The following FRMPD3 variants were observed in gnomAD, a reference collection of about 807,000 sequenced individuals.
FRMPD3 encodes FERM and PDZ domain containing 3, also known as FERM and PDZ domain-containing protein 3.
In FRMPD3, 42 loss-of-function variants were observed where a neutral mutation model predicts 97.9. The ratio of observed to expected loss-of-function variants is 0.43; its 90% confidence interval spans 0.34 to 0.55. FRMPD3 has a LOEUF of 0.55. Ranked by LOEUF, FRMPD3 falls within the 20% of genes least tolerant of loss-of-function variation. The probability of loss-of-function intolerance (pLI) is 0.03; values close to 1 mark genes in which losing one functional copy is unlikely to be tolerated. For missense variants in FRMPD3, 1,303 were observed against 1,457.7 expected (o/e 0.89, Z 1.73); for synonymous variants, 577 against 581.1 (o/e 0.99, Z 0.10).
rs143933550 is a variant in FRMPD3 at position 107,551,900 on chromosome X, G to C, written c.511-895G>C. Among the ~76,000 whole-genome samples, 679 of 112,376 alleles carry C rather than the reference G, an allele frequency of 6.0e-3. 2 individuals carry two copies. Among genetic ancestry groups the C allele is most frequent in the African/African-American group, 0.02 (629 of 30,976 alleles). ...CAGCTTAACATTTGAATAACTGAAC[G>C]TCTTTCAGTGTTCATTGAGGGGCTT... On this transcript the variant is annotated intron_variant, in intron 6 of 14. Transcript: ENST00000683843.
intron 1 of FRMPD3, among the ~76,000 whole-genome samples, chrX:107,489,861 T>G (rs1921609689): frequency 8.9e-6 from 1 of 111,942 alleles, no homozygotes; most frequent in Admixed American, 9.5e-5. Context: ...ATTTGTCAAT[T>G]TTGGCTTTTG....
chrX:107,599,578 G>C (rs936074316), intron 14 of FRMPD3, among the ~76,000 whole-genome samples: 2 of 112,202 alleles, frequency 1.8e-5, no homozygotes, highest in Non-Finnish European at 3.8e-5. Flanking sequence ...CAGATGAGGA[G>C]GGATAGAGAG....
At chrX:107,454,542 C>T (rs1278320325) in intron 1 of FRMPD3, among the ~76,000 whole-genome samples, 1 of 111,583 alleles carries the variant, frequency 9.0e-6, no homozygotes, top group Non-Finnish European at 1.9e-5. Context: ...TGACTCATCC[C>T]CTATGCCCCA....
At chrX:107,573,092 A>G (rs918078860) in intron 12 of FRMPD3, among the ~76,000 whole-genome samples, 1 of 111,153 alleles carries the variant, frequency 9.0e-6, no homozygotes, top group South Asian at 3.8e-4. Context: ...ATAACAAAAC[A>G]TACAAACAAA....
chrX:107,466,047 A>G (rs1931556981), intron 1 of FRMPD3, among the ~76,000 whole-genome samples: 1 of 112,355 alleles, frequency 8.9e-6, no homozygotes, highest in Non-Finnish European at 1.9e-5. Context: ...TTATTTGACT[A>G]TAGGTCGCCA....
In FRMPD3 at chrX:107,565,030, C is replaced by T. The variant is rs1207294499; in HGVS notation, c.1260C>T (p.Gly420=). Residue 420 remains glycine, a synonymous_variant, in exon 12 of 15, where the codon GGC becomes GGT. Coordinates refer to ENST00000683843, the MANE Select transcript of FRMPD3 (RefSeq NM_001388459.1). The part of the protein sequence containing the change: ...SKIQLFRENQ[G]VARVETSIMD... ...TCCAGCTGTTCCGGGAGAACCAGGG[C>T]GTGGCCCGGGTGGAGACCAGCATCA... The T allele has an allele frequency of 1.8e-5, 21 of 1,197,907 alleles. No individual in the cohort carries two copies. Among genetic ancestry groups the T allele is most frequent in the East Asian group, 1.2e-4 (4 of 33,385 alleles).
chrX:107,549,968 T>C lies in FRMPD3; in HGVS notation c.403-81T>C, dbSNP rs1295811116. 6 of 616,780 alleles carry C rather than the reference T, an allele frequency of 9.7e-6. No individual in the cohort carries two copies. The Admixed American group carries it at 1.6e-4, about 17-fold the overall frequency. The allele number at this position is 616,780 out of a possible 1,213,427, so 50.8% of individuals were successfully genotyped here. ...CTCTGTCTCCATCACCTTTTCTCTCTCCTTTTTCACACCCTTCCTCTGGCT... is the reference window on the plus strand; with the variant it reads ...CTCTGTCTCCATCACCTTTTCTCTCCCCTTTTTCACACCCTTCCTCTGGCT... On this transcript the variant is annotated intron_variant, in intron 5 of 14. Coordinates refer to ENST00000683843, the MANE Select transcript of FRMPD3 (RefSeq NM_001388459.1).
In FRMPD3 at chrX:107,602,827, G is replaced by A; in HGVS notation, c.4788G>A (p.Leu1596=). Residue 1596 remains leucine (L), a synonymous_variant, in exon 15 of 15, where the codon CTG becomes CTA. Coordinates refer to ENST00000683843, the MANE Select transcript of FRMPD3 (RefSeq NM_001388459.1). ...CTGATGGCTTCCTGGCTGCCCGGCT[G>A]GACACCAACGAGCTGCTGACAGTCC... ...GLPDGFLAAR[L]DTNELLTVLR... is the part of the protein sequence containing the mutation. 2.5e-6 allele frequency: 3 copies of A among 1,209,561 alleles called. No individual in the cohort carries two copies. Among genetic ancestry groups the A allele is most frequent in the Non-Finnish European group, 3.4e-6 (3 of 894,778 alleles).
rs1394049613 is a variant in FRMPD3 at position 107,554,279 on chromosome X, G to A, written c.643-106G>A. ...AGACAGAGTAGGAAACAACAGCTTAGCTCTGCCCCAAGCCCCACCTTAAAG... is the reference window on the plus strand; with the variant it reads ...AGACAGAGTAGGAAACAACAGCTTAACTCTGCCCCAAGCCCCACCTTAAAG... On this transcript the variant is annotated intron_variant, in intron 7 of 14. Transcript: ENST00000683843. 5 of 858,964 alleles carry A rather than the reference G, an allele frequency of 5.8e-6. No homozygotes were observed. The African/African-American group carries it at 6.1e-5, about 10-fold the overall frequency. The allele number at this position is 858,964 out of a possible 1,213,427, so 70.8% of individuals were successfully genotyped here.
intron 2 of FRMPD3, 149 bp from the exon 3 acceptor site, chrX:107,530,260 T>G (rs1922880766): frequency 2.2e-6 from 1 of 461,065 alleles, no homozygotes; most frequent in African/African-American, 2.4e-5. Context: ...AGAGCTCGAA[T>G]AGCACCCTCT....
chrX:107,518,258 G>A (rs1204326957), intron 1 of FRMPD3, among the ~76,000 whole-genome samples: 1 of 111,921 alleles, frequency 8.9e-6, no homozygotes, highest in Non-Finnish European at 1.9e-5. Flanking sequence ...TAGTAAAAGG[G>A]AATATCAAGT....
At chrX:107,545,988 A>C (rs1921582649) in intron 5 of FRMPD3, 147 bp downstream of exon 5, 3 of 456,490 alleles carry the variant, frequency 6.6e-6, no homozygotes, top group Non-Finnish European at 7.6e-6. Context: ...AAAAGTAGTG[A>C]GTGAAGAGGG....
At chrX:107,592,779 A>AAAT (rs1005519746) in intron 13 of FRMPD3, among the ~76,000 whole-genome samples, 1 of 103,985 alleles carries the variant, frequency 9.6e-6, no homozygotes, top group African/African-American at 3.8e-5. Context: ...TTTTATTTTT[A>AAAT]AATTATGACC....
intron 5 of FRMPD3, among the ~76,000 whole-genome samples, chrX:107,548,727 G>A (rs559290940): frequency 8.9e-6 from 1 of 112,361 alleles, no homozygotes; most frequent in African/African-American, 3.2e-5. Context: ...GCCTGTAGTC[G>A]TAGCTATTTG....
At chrX:107,516,269 C>T (rs1188746928) in intron 1 of FRMPD3, among the ~76,000 whole-genome samples, 3 of 110,458 alleles carry the variant, frequency 2.7e-5, no homozygotes, top group Non-Finnish European at 5.7e-5. Context: ...TTAATCCAGT[C>T]TATCATTATT....
In FRMPD3 at chrX:107,605,087, T is replaced by G. The variant is rs763696493; in HGVS notation, c.*1714T>G. On this transcript the variant is annotated 3_prime_UTR_variant, in exon 15 of 15. Coordinates refer to ENST00000683843, the MANE Select transcript of FRMPD3 (RefSeq NM_001388459.1). ...GCCACTCAGCCCCTGCCTGTGTCATTCCACCGCCATCCTTCACCTCTCCCT... is the reference window on the plus strand; with the variant it reads ...GCCACTCAGCCCCTGCCTGTGTCATGCCACCGCCATCCTTCACCTCTCCCT... The G allele has an allele frequency of 9.0e-6, 1 of 110,572 alleles. No homozygotes were observed. Among genetic ancestry groups the G allele is most frequent in the South Asian group, 3.9e-4 (1 of 2,544 alleles). 9.1% of individuals were successfully genotyped at this position (110,572 alleles called of 1,213,427 possible).
At position 107,550,082 on chromosome X, in the gene FRMPD3, C is replaced by A. The variant is rs1921796959; in HGVS notation, c.436C>A (p.Pro146Thr). 1 of 1,201,996 alleles carries A rather than the reference C, an allele frequency of 8.3e-7. No homozygotes were observed. Among genetic ancestry groups the A allele is most frequent in the Non-Finnish European group, 1.1e-6 (1 of 890,063 alleles). Residue 146 changes from proline to threonine, a missense_variant, in exon 6 of 15, where the codon CCT (proline) becomes ACT (threonine). This residue lies in a region of FRMPD3 where 535 missense variants were observed against 618.6 expected (regional missense o/e 0.86). Coordinates refer to ENST00000683843, the MANE Select transcript of FRMPD3 (RefSeq NM_001388459.1). ...GAAGAAGGAAGCTCTCCTCCTCATC[C>A]CTAATGTCCTGAAGGTTTTCTTAGA... The part of the protein sequence containing the change: ...MMKKEALLLI[P>T]NVLKVFLENG...
intron 1 of FRMPD3, among the ~76,000 whole-genome samples, chrX:107,484,143 G>A (rs1921445378): frequency 8.9e-6 from 1 of 112,126 alleles, no homozygotes; most frequent in African/African-American, 3.2e-5. Context: ...GAAGCCCACT[G>A]CCCCCACTTT....
At chrX:107,598,250 T>A in intron 14 of FRMPD3, 108 bp downstream of exon 14, 1 of 668,710 alleles carries the variant, frequency 1.5e-6, no homozygotes, top group Non-Finnish European at 2.3e-6. Flanking sequence ...CTGAGGTATG[T>A]CAGGGCAGTG....
Sources: allele counts gnomAD v4.1 joint callset (sites outside exome capture counted in the v4.1 genomes callset), GRCh38; gene constraint gnomAD v4.1.1; regional missense constraint gnomAD v4.1.1; transcripts MANE v1.5; gene names NCBI Gene and HGNC (gene_info 2026-07-23, HGNC 2026-07-21).